SUV39H2: variants seen among roughly 807,000 people sequenced by gnomAD.
The protein encoded by SUV39H2 is histone-lysine N-methyltransferase SUV39H2.
A neutral mutation model predicts 47.5 loss-of-function variants in SUV39H2; 10 were observed. That is an observed-to-expected ratio of 0.21 (90% confidence interval 0.13 to 0.36). The LOEUF (loss-of-function observed/expected upper bound fraction) is 0.36. Ranked by LOEUF, SUV39H2 falls within the 10% of genes least tolerant of loss-of-function variation. The pLI, the probability that SUV39H2 is intolerant of heterozygous loss-of-function variation, is 1.00. For synonymous variants in SUV39H2, 159 were observed against 166.8 expected (o/e 0.95, Z 0.36); for missense variants, 266 against 487.4 (o/e 0.55, Z 4.28).
chr10:14,895,131 T>C (rs1252606304), intron 2 of SUV39H2, among the ~76,000 whole-genome samples: 3 of 152,054 alleles, frequency 2.0e-5, no homozygotes, highest in Non-Finnish European at 2.9e-5. Context: ...TACTTCAAAA[T>C]TTGTTAGACA....
chr10:14,901,333 C>T, intron 5 of SUV39H2, 71 bp downstream of exon 5: 1 of 1,583,300 alleles, frequency 6.3e-7, no homozygotes, highest in Middle Eastern at 1.7e-4. Flanking sequence ...TAGGAACAGA[C>T]CTTAGATATT....
chr10:14,887,648 C>G (rs550430555), intron 2 of SUV39H2, among the ~76,000 whole-genome samples: 1 of 152,088 alleles, frequency 6.6e-6, no homozygotes, highest in Non-Finnish European at 1.5e-5. Context: ...TGAACTCAGC[C>G]AATATTTACT....
chr10:14,899,014 T>G (rs1299473714), intron 3 of SUV39H2: 2 of 555,758 alleles, frequency 3.6e-6, no homozygotes, highest in East Asian at 5.6e-5. Flanking sequence ...AGTGTTCCAA[T>G]GTACTGCTCA....
intron 2 of SUV39H2, among the ~76,000 whole-genome samples, chr10:14,890,440 T>G (rs1487072394): frequency 6.6e-6 from 1 of 152,222 alleles, no homozygotes; most frequent in African/African-American, 2.4e-5. Context: ...TTGCCCAAGC[T>G]GGAGTGCAGT....
chr10:14,896,069 T>C (rs1452907846), intron 2 of SUV39H2, among the ~76,000 whole-genome samples: 1 of 151,912 alleles, frequency 6.6e-6, no homozygotes, highest in Admixed American at 6.6e-5. Flanking sequence ...TCACCCTCCC[T>C]AGTACTGGCA....
chr10:14,881,061 A>G (rs1833027265), intron 1 of SUV39H2, among the ~76,000 whole-genome samples: 1 of 152,224 alleles, frequency 6.6e-6, no homozygotes, highest in South Asian at 2.1e-4. Context: ...AACAAATTAT[A>G]AGATTGTTTT....
At chr10:14,886,439 C>G (rs1833210570) in intron 2 of SUV39H2, among the ~76,000 whole-genome samples, 1 of 152,210 alleles carries the variant, frequency 6.6e-6, no homozygotes, top group Admixed American at 6.5e-5. Context: ...ATCAGATCTT[C>G]CCTGCCAAAT....
intron 3 of SUV39H2, chr10:14,898,976 A>G (rs1327511631): frequency 2.1e-6 from 1 of 474,870 alleles, no homozygotes; most frequent in Non-Finnish European, 3.7e-6. Flanking sequence ...TAGCTTTTTG[A>G]ACATCCTAAT....
At chr10:14,899,430 A>C in intron 3 of SUV39H2, 109 bp from the exon 4 acceptor site, 1 of 1,225,256 alleles carries the variant, frequency 8.2e-7, no homozygotes, top group Non-Finnish European at 1.1e-6. Context: ...TGACACCTGA[A>C]TTTCTTACTT....
In SUV39H2 at chr10:14,901,177, C is replaced by G. The variant is rs61730323; in HGVS notation, c.1041C>G (p.Leu347=). Residue 347 remains leucine (L), a synonymous_variant, in exon 5 of 6, where the codon CTC becomes CTG. Transcript: ENST00000354919. ...LQVFNVFIDN[L]DTRLPRIALF... ...TGTTCAATGTTTTCATTGATAACCT[C>G]GATACTCGTCTTCCCCGAATAGCAT... 57,429 of 1,613,818 alleles carry G rather than the reference C, an allele frequency of 0.036. 1,230 individuals carry two copies. The highest frequency in any genetic ancestry group is 0.082 in the Admixed American group (4,905 of 59,980).
chr10:14,894,950 C>G (rs991311376), intron 2 of SUV39H2, among the ~76,000 whole-genome samples: 5 of 152,080 alleles, frequency 3.3e-5, no homozygotes, highest in Admixed American at 3.3e-4. Context: ...CAGGGAAAAG[C>G]AGTTATCTCA....
intron 5 of SUV39H2, 89 bp downstream of exon 5, chr10:14,901,351 A>C: frequency 3.9e-6 from 6 of 1,527,114 alleles, no homozygotes; most frequent in Non-Finnish European, 5.4e-6. Flanking sequence ...ATTTGAACCA[A>C]ACCTAATACT....
chr10:14,891,428 A>G (rs1833385395), intron 2 of SUV39H2, among the ~76,000 whole-genome samples: 1 of 152,226 alleles, frequency 6.6e-6, no homozygotes, highest in Non-Finnish European at 1.5e-5. Context: ...TTTAAGCAAA[A>G]TAACAACAGG....
rs1833650948 is a variant in SUV39H2 at position 14,897,054 on chromosome 10, A to G, written c.386A>G (p.Lys129Arg). The stretch of plus-strand genomic sequence containing the variant: ...CCTGCCATTGCTGAGTACATTGTGA[A>G]GAAGGCTAAACAAAGGATAGCTCTG... ...LKPAIAEYIV[K>R]KAKQRIALQR... The change falls in exon 3 of 6, where the codon AAG becomes AGG. Residue 129 changes from lysine (K) to arginine (R), a missense_variant. Transcript: ENST00000354919. 6.2e-7 allele frequency: 1 copy of G among 1,614,128 alleles called. No homozygotes were observed. The highest frequency in any genetic ancestry group is 1.7e-5 in the Admixed American group (1 of 60,030).
intron 5 of SUV39H2, among the ~76,000 whole-genome samples, chr10:14,902,027 T>C (rs117302616): frequency 0.016 from 2,432 of 152,342 alleles, 35 homozygotes; most frequent in Non-Finnish European, 0.021. Flanking sequence ...CTTTACATAT[T>C]GTCATTGCTT....
At chr10:14,895,114 G>A (rs1833525538) in intron 2 of SUV39H2, among the ~76,000 whole-genome samples, 1 of 151,730 alleles carries the variant, frequency 6.6e-6, no homozygotes, top group Admixed American at 6.6e-5. Context: ...AAAAATTACT[G>A]AGACTTTACT....
At chr10:14,899,060 A>G (rs993426794) in intron 3 of SUV39H2, 33 of 594,936 alleles carry the variant, frequency 5.5e-5, no homozygotes, top group Admixed American at 2.3e-4. Context: ...AACCAGTTAC[A>G]GTTAATCCCA....
At chr10:14,887,934 A>G (rs1833265275) in intron 2 of SUV39H2, among the ~76,000 whole-genome samples, 1 of 152,200 alleles carries the variant, frequency 6.6e-6, no homozygotes, top group Non-Finnish European at 1.5e-5. Context: ...GAGGCAGAAG[A>G]CAGCCTGACT....
At chr10:14,902,362 G>A in intron 5 of SUV39H2, 44 bp from the exon 6 acceptor site, 1 of 1,345,752 alleles carries the variant, frequency 7.4e-7, no homozygotes, top group Non-Finnish European at 1.0e-6. Context: ...ATTCTAAATT[G>A]TCTTAACTCT....
Sources: allele counts gnomAD v4.1 joint callset (sites outside exome capture counted in the v4.1 genomes callset), GRCh38; gene constraint gnomAD v4.1.1; transcripts MANE v1.5; gene names NCBI Gene and HGNC (gene_info 2026-07-23, HGNC 2026-07-21).